SLX4IP: variants seen among roughly 807,000 people sequenced by gnomAD.
SLX4IP encodes SLX4 interacting protein.
A neutral mutation model predicts 32.9 loss-of-function variants in SLX4IP; 34 were observed. That is an observed-to-expected ratio of 1.03 (90% CI 0.79 to 1.38). SLX4IP has a LOEUF of 1.38. Ranked by LOEUF, SLX4IP falls within the 40% of genes most tolerant of loss-of-function variation. SLX4IP has a pLI of 0.00. For missense variants in SLX4IP, 444 were observed against 479.0 expected, an observed-to-expected ratio of 0.93 and a Z score of 0.68; for synonymous variants, 172 against 171.7, an observed-to-expected ratio of 1.00 and a Z score of -0.01.
intron 2 of SLX4IP, among the ~76,000 whole-genome samples, chr20:10,474,651 G>A (rs931593751): frequency 6.6e-6 from 1 of 152,200 alleles, no homozygotes; most frequent in South Asian, 2.1e-4. Flanking sequence ...GGCCTGGGCT[G>A]GGGCTGGAGC....
intron 2 of SLX4IP, among the ~76,000 whole-genome samples, chr20:10,467,269 T>C (rs1412050348): frequency 6.6e-6 from 1 of 152,236 alleles, no homozygotes; most frequent in Non-Finnish European, 1.5e-5. Flanking sequence ...TATTTTCATA[T>C]CAATTGAGTT....
intron 1 of SLX4IP, among the ~76,000 whole-genome samples, chr20:10,439,669 A>G (rs1050496433): frequency 2.0e-5 from 3 of 152,256 alleles, no homozygotes; most frequent in Non-Finnish European, 1.5e-5. Flanking sequence ...GGCTTTTTAA[A>G]AATGCAAAAT....
At chr20:10,537,807 G>A (rs1165124488) in intron 2 of SLX4IP, among the ~76,000 whole-genome samples, 3 of 152,136 alleles carry the variant, frequency 2.0e-5, no homozygotes, top group Non-Finnish European at 4.4e-5. Context: ...CAAGAGAAAG[G>A]ACAACATGAT....
At chr20:10,559,465 A>C (rs2122500930) in intron 3 of SLX4IP, among the ~76,000 whole-genome samples, 1 of 152,356 alleles carries the variant, frequency 6.6e-6, no homozygotes, top group East Asian at 1.9e-4. Context: ...GCAAGAAACC[A>C]GCAAAACAGG....
chr20:10,541,805 G>T (rs1374095904), intron 2 of SLX4IP, among the ~76,000 whole-genome samples: 5 of 152,184 alleles, frequency 3.3e-5, no homozygotes, highest in Non-Finnish European at 2.9e-5. Flanking sequence ...ATCTCTGGGA[G>T]GGCAGGGATT....
chr20:10,560,761 G>A lies in SLX4IP; in HGVS notation c.179G>A (p.Arg60His), dbSNP rs755366780. 22 of 1,606,924 alleles carry A rather than the reference G, an allele frequency of 1.4e-5. No individual in the cohort carries two copies. Among genetic ancestry groups the A allele is most frequent in the East Asian group, 2.3e-5 (1 of 44,420 alleles). Reference protein sequence around the residue: ...DSRVQEYLEVRKQHRPSNAEF... With the variant: ...DSRVQEYLEVHKQHRPSNAEF... Reference sequence around the variant, plus strand: ...AGAGTTCAGGAGTACTTGGAAGTTCGCAAACAGCACAGGCCATCAAATGCA... The same window carrying A: ...AGAGTTCAGGAGTACTTGGAAGTTCACAAACAGCACAGGCCATCAAATGCA... The change falls in exon 4 of 8, where the codon CGC becomes CAC. Residue 60 changes from arginine to histidine, a missense_variant. Transcript: ENST00000334534.
intron 1 of SLX4IP, among the ~76,000 whole-genome samples, chr20:10,447,929 T>G (rs1023144010): frequency 2.0e-5 from 3 of 149,606 alleles, no homozygotes; most frequent in Non-Finnish European, 4.4e-5. Flanking sequence ...GGTCTCGAAC[T>G]CCTGGGCTCA....
Position 10,504,537 on chromosome 20 carries a change from G to A in SLX4IP, c.27+46306G>A, listed in dbSNP as rs116775330. ...GCTCAGTGGCATTGTTGTAGAGGAA[G>A]TAGGAGGGTGCTTGGTGGAGTTTGG... is the stretch of plus-strand genomic sequence containing the variant. On this transcript the variant is annotated intron_variant, in intron 2 of 7. Coordinates refer to ENST00000334534, the MANE Select transcript of SLX4IP (RefSeq NM_001009608.3). Among the ~76,000 whole-genome samples the A allele has an allele frequency of 1.4e-3, 208 of 152,298 alleles. 1 individual carries two copies. The highest frequency in any genetic ancestry group is 4.9e-3 in the African/African-American group (203 of 41,554).
chr20:10,592,613 ATTC>A (rs2066722528), intron 4 of SLX4IP, among the ~76,000 whole-genome samples: 1 of 117,100 alleles, frequency 8.5e-6, no homozygotes, highest in South Asian at 3.3e-4. Context: ...AAGCACACGT[ATTC>A]TTCATCTTTT....
Position 10,545,316 on chromosome 20 carries a change from C to T in SLX4IP, c.28-10915C>T, listed in dbSNP as rs567946114. Among the ~76,000 whole-genome samples, 10 of 152,252 alleles carry T rather than the reference C, an allele frequency of 6.6e-5. No individual in the cohort carries two copies. The South Asian group carries it at 2.1e-3, about 32-fold the overall frequency. On this transcript the variant is annotated intron_variant, in intron 2 of 7. Coordinates refer to ENST00000334534, the MANE Select transcript of SLX4IP (RefSeq NM_001009608.3). ...CCTGAGCCCTGAAATAGTAGAAACT[C>T]CTCATTCTGAGGTTGTGTTTTAGTT...
chr20:10,462,361 A>C (rs1296560647), intron 2 of SLX4IP, among the ~76,000 whole-genome samples: 1 of 152,232 alleles, frequency 6.6e-6, no homozygotes, highest in African/African-American at 2.4e-5. Flanking sequence ...AAGTCAATGA[A>C]AAAGAGTTGT....
chr20:10,548,400 G>A (rs1388180329), intron 2 of SLX4IP, among the ~76,000 whole-genome samples: 1 of 152,058 alleles, frequency 6.6e-6, no homozygotes, highest in African/African-American at 2.4e-5. Flanking sequence ...CACCACGCCC[G>A]GCTAATTTTT....
At chr20:10,477,089 G>A (rs1266917914) in intron 2 of SLX4IP, among the ~76,000 whole-genome samples, 1 of 152,218 alleles carries the variant, frequency 6.6e-6, no homozygotes, top group Non-Finnish European at 1.5e-5. Context: ...CGTATCAAGA[G>A]CAGACACAGG....
At chr20:10,600,052 A>AGGG (rs966346953) in intron 5 of SLX4IP, among the ~76,000 whole-genome samples, 45 of 151,356 alleles carry the variant, frequency 3.0e-4, no homozygotes, top group Admixed American at 2.6e-3. Flanking sequence ...TGATTTTTTT[A>AGGG]GGGGGGGGAG....
chr20:10,533,560 C>T (rs1021491420), intron 2 of SLX4IP, among the ~76,000 whole-genome samples: 8 of 150,146 alleles, frequency 5.3e-5, no homozygotes, highest in South Asian at 2.1e-4. Context: ...GCAGGTGATC[C>T]GCCTGCCTCA....
chr20:10,459,049 G>T (rs1014163305), intron 2 of SLX4IP, among the ~76,000 whole-genome samples: 1 of 152,042 alleles, frequency 6.6e-6, no homozygotes, highest in African/African-American at 2.4e-5. Flanking sequence ...TTTAATAATC[G>T]CCATTCTCAC....
intron 6 of SLX4IP, among the ~76,000 whole-genome samples, chr20:10,605,654 A>T (rs897052096): frequency 6.6e-6 from 1 of 152,216 alleles, no homozygotes; most frequent in Non-Finnish European, 1.5e-5. Flanking sequence ...GGACATATAC[A>T]TTAAGATATT....
intron 2 of SLX4IP, among the ~76,000 whole-genome samples, chr20:10,554,128 C>A (rs986638517): frequency 6.6e-6 from 1 of 152,168 alleles, no homozygotes; most frequent in Non-Finnish European, 1.5e-5. Flanking sequence ...CAGTTTTTTA[C>A]CCCCCTGGGA....
At chr20:10,489,745 A>G (rs1324453633) in intron 2 of SLX4IP, among the ~76,000 whole-genome samples, 7 of 152,124 alleles carry the variant, frequency 4.6e-5, no homozygotes, top group Non-Finnish European at 8.8e-5. Flanking sequence ...AATGGCTTCT[A>G]TTTCCTTTGT....
Sources: allele counts gnomAD v4.1 joint callset (sites outside exome capture counted in the v4.1 genomes callset), GRCh38; gene constraint gnomAD v4.1.1; transcripts MANE v1.5; gene names NCBI Gene and HGNC (gene_info 2026-07-23, HGNC 2026-07-21).